ULK4: variants seen among roughly 807,000 people sequenced by gnomAD.
ULK4 encodes the protein unc-51 like kinase 4, also known as inactive serine/threonine-protein kinase ULK4.
Under a neutral mutation model 160.6 loss-of-function variants are expected in ULK4, and 133 were observed. The ratio of observed to expected loss-of-function variants is 0.83; its 90% CI spans 0.72 to 0.96. ULK4 has a LOEUF of 0.96. Among genes scored for constraint, ULK4 ranks in the 40% least tolerant of loss-of-function variants. The probability of loss-of-function intolerance (pLI) is 0.00; values close to 1 mark genes in which losing one functional copy is unlikely to be tolerated. For synonymous variants in ULK4, 534 were observed against 539.8 expected (o/e 0.99, Z 0.15); for missense variants, 1,580 against 1,499.5 (o/e 1.05, Z -0.89).
At position 41,305,249 on chromosome 3, in the gene ULK4, C is replaced by T. The variant is rs567064730; in HGVS notation, c.3679-55675G>A. Among the ~76,000 whole-genome samples, 625 of 152,280 alleles carry T rather than the reference C, an allele frequency of 4.1e-3. 6 individuals are homozygous for T. The highest frequency in any genetic ancestry group is 0.014 in the African/African-American group (582 of 41,568). ...TCCCTCTCCCCACGGTCTCCCTCTC[C>T]CTCTCTTTCCACAGTCTCCCTCTCA... On this transcript the variant is annotated intron_variant, in intron 35 of 36. Transcript: ENST00000301831.
intron 31 of ULK4, among the ~76,000 whole-genome samples, chr3:41,614,535 C>G (rs1321722363): frequency 6.6e-6 from 1 of 152,196 alleles, no homozygotes; most frequent in African/African-American, 2.4e-5. Flanking sequence ...TCTTCTCTAT[C>G]CTTTCTCTAA....
At chr3:41,804,330 G>T (rs1182986576) in intron 19 of ULK4, among the ~76,000 whole-genome samples, 4 of 151,650 alleles carry the variant, frequency 2.6e-5, no homozygotes, top group Non-Finnish European at 4.4e-5. Context: ...TTGTGATGGG[G>T]TTGTTTTTTT....
chr3:41,526,185 GTCT>G (rs959370600), intron 32 of ULK4, among the ~76,000 whole-genome samples: 64 of 53,826 alleles, frequency 1.2e-3, no homozygotes, highest in African/African-American at 2.3e-3. Context: ...TGTATGATTC[GTCT>G]TCTTTTTCTC....
intron 35 of ULK4, among the ~76,000 whole-genome samples, chr3:41,387,252 C>T (rs1559561363): frequency 6.6e-6 from 1 of 152,128 alleles, no homozygotes. Context: ...ATATCTTTCT[C>T]TAGCTCTAGC....
chr3:41,435,418 T>C (rs1232141903), intron 34 of ULK4, among the ~76,000 whole-genome samples: 3 of 152,152 alleles, frequency 2.0e-5, no homozygotes, highest in South Asian at 2.1e-4. Context: ...AAGTTAATGA[T>C]CCAAAATAAC....
At chr3:41,672,447 C>T (rs2035574464) in intron 29 of ULK4, among the ~76,000 whole-genome samples, 1 of 152,066 alleles carries the variant, frequency 6.6e-6, no homozygotes, top group African/African-American at 2.4e-5. Flanking sequence ...ATAAGCCTGG[C>T]AGAGACAGAC....
At chr3:41,735,923 T>A (rs529495390) in intron 22 of ULK4, among the ~76,000 whole-genome samples, 1 of 142,114 alleles carries the variant, frequency 7.0e-6, no homozygotes, top group African/African-American at 2.6e-5. Context: ...TTCCCACCTA[T>A]GAGTGAGAAT....
At chr3:41,617,607 C>G (rs2033039505) in intron 30 of ULK4, among the ~76,000 whole-genome samples, 1 of 152,102 alleles carries the variant, frequency 6.6e-6, no homozygotes, top group African/African-American at 2.4e-5. Flanking sequence ...CACAAAAACC[C>G]CATCCAAAGG....
At chr3:41,661,421 A>G (rs945794907) in intron 30 of ULK4, among the ~76,000 whole-genome samples, 1 of 151,590 alleles carries the variant, frequency 6.6e-6, no homozygotes, top group Non-Finnish European at 1.5e-5. Context: ...GTACACAGGT[A>G]TATACACATA....
At chr3:41,497,753 A>C (rs2085043915) in intron 32 of ULK4, among the ~76,000 whole-genome samples, 1 of 152,180 alleles carries the variant, frequency 6.6e-6, no homozygotes, top group Admixed American at 6.5e-5. Context: ...GCAGTAATAC[A>C]TGCCTGTAGT....
chr3:41,425,299 A>C (rs560720090), intron 34 of ULK4, among the ~76,000 whole-genome samples: 1 of 152,324 alleles, frequency 6.6e-6, no homozygotes, highest in East Asian at 1.9e-4. Flanking sequence ...GGAATTACAT[A>C]AAAAGACCAA....
chr3:41,855,570 T>C (rs771246446), intron 17 of ULK4, among the ~76,000 whole-genome samples: 8 of 152,232 alleles, frequency 5.3e-5, no homozygotes, highest in Non-Finnish European at 7.3e-5. Flanking sequence ...ATAACTTAAG[T>C]TATGGCATAG....
At chr3:41,624,703 T>C (rs1466687625) in intron 30 of ULK4, among the ~76,000 whole-genome samples, 1 of 151,160 alleles carries the variant, frequency 6.6e-6, no homozygotes, top group East Asian at 1.9e-4. Context: ...AGCTAAGTAA[T>C]TTTTTTTAGT....
chr3:41,759,010 A>G (rs1417312208), intron 21 of ULK4, among the ~76,000 whole-genome samples: 4 of 152,180 alleles, frequency 2.6e-5, no homozygotes, highest in African/African-American at 4.8e-5. Context: ...TCAGTAACCT[A>G]GGAATAAAAG....
chr3:41,878,913 A>G (rs1450498800), intron 17 of ULK4, among the ~76,000 whole-genome samples: 2 of 87,454 alleles, frequency 2.3e-5, no homozygotes, highest in African/African-American at 5.5e-5. Flanking sequence ...ATCCCCCCAA[A>G]AAAAAGTACT....
intron 32 of ULK4, among the ~76,000 whole-genome samples, chr3:41,471,259 A>T (rs79118648): frequency 0.031 from 4,770 of 152,256 alleles, 242 homozygotes; most frequent in African/African-American, 0.11. Context: ...TAAAGAAAGA[A>T]GTTATATAAT....
intron 13 of ULK4, among the ~76,000 whole-genome samples, chr3:41,900,406 G>C (rs17283929): frequency 0.12 from 17,985 of 152,144 alleles, 1,291 homozygotes; most frequent in Middle Eastern, 0.27. Context: ...CAAAAGGACT[G>C]AGAGCTAAGG....
chr3:41,558,935 T>C (rs1305999810), intron 32 of ULK4, among the ~76,000 whole-genome samples: 4 of 141,624 alleles, frequency 2.8e-5, no homozygotes, highest in African/African-American at 7.5e-5. Context: ...TGCAGGTTAG[T>C]TACATATGTA....
rs1491198685 is a variant in ULK4 at position 41,473,663 on chromosome 3, AAG to A, written c.3227-10412_3227-10411del. Among the ~76,000 whole-genome samples, 561 of 134,606 alleles carry A rather than the reference AAG, an allele frequency of 4.2e-3. 39 individuals carry two copies. Among genetic ancestry groups the A allele is most frequent in the African/African-American group, 0.011 (394 of 35,120 alleles). The allele number at this position is 134,606 out of a possible 152,430, so 88.3% of individuals were successfully genotyped here. A position where few individuals can be genotyped will look rare whatever the true frequency, so the allele number is the denominator to read the frequency against. On this transcript the variant is annotated intron_variant, in intron 32 of 36. Transcript: ENST00000301831. ...GGCAACAGAATGAGATTCTGTCTCAAAGAAAAAAAAAAAAAAAAAAAGAAGAA... is the reference window on the plus strand; with the variant it reads ...GGCAACAGAATGAGATTCTGTCTCAAAAAAAAAAAAAAAAAAAAAGAAGAA...
Sources: allele counts gnomAD v4.1 joint callset (sites outside exome capture counted in the v4.1 genomes callset), GRCh38; gene constraint gnomAD v4.1.1; transcripts MANE v1.5; gene names NCBI Gene and HGNC (gene_info 2026-07-23, HGNC 2026-07-21).